The following DUSP16 variants were observed in gnomAD, a reference collection of about 807,000 sequenced individuals.
DUSP16 encodes the protein dual specificity phosphatase 16.
In DUSP16, 21 loss-of-function variants were observed where a neutral mutation model predicts 58.3. That is an observed-to-expected ratio of 0.36 (90% CI 0.26 to 0.52). DUSP16 has a LOEUF of 0.52. DUSP16 is among the 20% of genes least tolerant of loss of function. DUSP16 has a pLI of 0.94. For missense variants in DUSP16, 726 were observed against 819.0 expected (o/e 0.89, Z 1.39); for synonymous variants, 320 against 323.8 (o/e 0.99, Z 0.12).
chr12:12,559,566 T>C (rs1003532800), intron 1 of DUSP16, among the ~76,000 whole-genome samples: 15 of 152,224 alleles, frequency 9.9e-5, no homozygotes, highest in African/African-American at 2.2e-4. Flanking sequence ...TAGAAAATTA[T>C]TTTTGTCTAG....
intron 1 of DUSP16, among the ~76,000 whole-genome samples, chr12:12,534,428 G>A (rs1944436828): frequency 6.6e-6 from 1 of 152,194 alleles, no homozygotes; most frequent in Non-Finnish European, 1.5e-5. Flanking sequence ...AGTAGCCCCA[G>A]ACGGGAGTCG....
intron 1 of DUSP16, among the ~76,000 whole-genome samples, chr12:12,554,947 T>C (rs1205799526): frequency 6.6e-6 from 1 of 152,242 alleles, no homozygotes; most frequent in South Asian, 2.1e-4. Flanking sequence ...TCATATACCA[T>C]GTACAGTTTA....
At chr12:12,521,826 C>T (rs888043205) in intron 1 of DUSP16, among the ~76,000 whole-genome samples, 1 of 152,020 alleles carries the variant, frequency 6.6e-6, no homozygotes, top group Non-Finnish European at 1.5e-5. Flanking sequence ...ATTTTATTTG[C>T]TTATTTATTG....
At chr12:12,545,326 C>A (rs1474903936) in intron 1 of DUSP16, among the ~76,000 whole-genome samples, 2 of 152,144 alleles carry the variant, frequency 1.3e-5, no homozygotes, top group Non-Finnish European at 2.9e-5. Context: ...GTGGCATGAT[C>A]TCAGCTCACT....
At chr12:12,528,095 TGCTTCCTG>T (rs1461478572) in intron 1 of DUSP16, among the ~76,000 whole-genome samples, 1 of 152,192 alleles carries the variant, frequency 6.6e-6, no homozygotes, top group Non-Finnish European at 1.5e-5. Flanking sequence ...TTCTTAGTAC[TGCTTCCTG>T]TTTATGATCA....
Position 12,474,889 on chromosome 12 carries a change from A to C in DUSP16, c.*1944T>G, listed in dbSNP as rs1943393958. ...GAAACTTGAGAATGTCTGATTAAAG[A>C]TTTCAATGTATATCTAAAAACTAAC... On this transcript the variant is annotated 3_prime_UTR_variant, in exon 7 of 7. Transcript: ENST00000298573. 1 of 152,220 alleles carries C rather than the reference A, an allele frequency of 6.6e-6. No individual in the cohort carries two copies. The highest frequency in any genetic ancestry group is 6.5e-5 in the Admixed American group (1 of 15,284). 9.4% of individuals were successfully genotyped at this position (152,220 alleles called of 1,614,324 possible). A position where few individuals can be genotyped will look rare whatever the true frequency, so the allele number is the denominator to read the frequency against.
intron 1 of DUSP16, among the ~76,000 whole-genome samples, chr12:12,556,084 A>G (rs898033857): frequency 3.9e-5 from 6 of 152,340 alleles, no homozygotes; most frequent in African/African-American, 1.4e-4. Flanking sequence ...GTTTAGGAGG[A>G]AATCAAGAGA....
chr12:12,530,885 T>C (rs1388322834), intron 1 of DUSP16, among the ~76,000 whole-genome samples: 1 of 152,176 alleles, frequency 6.6e-6, no homozygotes, highest in African/African-American at 2.4e-5. Context: ...ATCTTTACAT[T>C]AAAAATTTTT....
intron 3 of DUSP16, among the ~76,000 whole-genome samples, chr12:12,513,164 A>G (rs1478582112): frequency 1.3e-5 from 2 of 152,244 alleles, no homozygotes; most frequent in Non-Finnish European, 2.9e-5. Flanking sequence ...CTTTAACCAT[A>G]GCAAACATTA....
rs1327743780 is a variant in DUSP16 at position 12,562,370 on chromosome 12, ACT to A, written c.-621_-620del. 2 of 144,934 alleles carry A rather than the reference ACT, an allele frequency of 1.4e-5. No individual in the cohort carries two copies. The highest frequency in any genetic ancestry group is 5.2e-5 in the African/African-American group (2 of 38,706). 9.0% of individuals were successfully genotyped at this position (144,934 alleles called of 1,614,324 possible). On this transcript the variant is annotated 5_prime_UTR_variant, in exon 1 of 7. It removes the in-frame stop codon of an upstream open reading frame in the 5' UTR. Coordinates refer to ENST00000298573, the MANE Select transcript of DUSP16 (RefSeq NM_030640.3). ...GAGGAGACGCTCGCAACTTTTCTTC[ACT>A]CTTTCTCTTCCACCCTCCCCCCCAT...
At chr12:12,504,262 T>C (rs1373167745) in intron 3 of DUSP16, among the ~76,000 whole-genome samples, 1 of 152,154 alleles carries the variant, frequency 6.6e-6, no homozygotes, top group East Asian at 1.9e-4. Context: ...CATGTAGTTT[T>C]GGTGTTTCTC....
chr12:12,507,356 A>G (rs760591100), intron 3 of DUSP16, among the ~76,000 whole-genome samples: 4 of 152,178 alleles, frequency 2.6e-5, no homozygotes, highest in Non-Finnish European at 5.9e-5. Flanking sequence ...TCATTTAAAT[A>G]GGGAGCAAGT....
chr12:12,487,980 C>G (rs1027195910), intron 4 of DUSP16, among the ~76,000 whole-genome samples: 1 of 152,178 alleles, frequency 6.6e-6, no homozygotes, highest in Non-Finnish European at 1.5e-5. Context: ...CCATTCACTG[C>G]TCAGTAGCCA....
intron 1 of DUSP16, among the ~76,000 whole-genome samples, chr12:12,557,069 A>G (rs1944816404): frequency 1.3e-5 from 2 of 152,198 alleles, no homozygotes; most frequent in Admixed American, 1.3e-4. Context: ...AACAGTAAAC[A>G]ATGACATTAA....
chr12:12,483,859 G>GA (rs1264167179), intron 5 of DUSP16, among the ~76,000 whole-genome samples: 2 of 151,630 alleles, frequency 1.3e-5, no homozygotes, highest in African/African-American at 4.8e-5. Context: ...CAACAAAAAA[G>GA]AAAAAATCAC....
rs571050839 is a variant in DUSP16, at chr12:12,476,131, A to C, written c.*702T>G. The stretch of plus-strand genomic sequence containing the variant: ...GGGAATTTTGTGCATAGACAGTTTG[A>C]ATTGGTCTGAAAAGTGTGACTAGCT... On this transcript the variant is annotated 3_prime_UTR_variant, in exon 7 of 7. Transcript: ENST00000298573. 34 of 152,690 alleles carry C rather than the reference A, an allele frequency of 2.2e-4. No individual in the cohort carries two copies. The highest frequency in any genetic ancestry group is 3.2e-4 in the Non-Finnish European group (22 of 68,022). The allele number at this position is 152,690 out of a possible 1,614,324, so 9.5% of individuals were successfully genotyped here.
chr12:12,541,713 CT>C (rs1478656632), intron 1 of DUSP16, among the ~76,000 whole-genome samples: 3 of 152,108 alleles, frequency 2.0e-5, no homozygotes, highest in Non-Finnish European at 4.4e-5. Context: ...AGAGAAATAA[CT>C]GTGAAAAAAA....
At chr12:12,540,382 GAGTC>G (rs535024045) in intron 1 of DUSP16, among the ~76,000 whole-genome samples, 180 of 152,188 alleles carry the variant, frequency 1.2e-3, no homozygotes, top group African/African-American at 4.2e-3. Context: ...TATTTAACCA[GAGTC>G]AGGAGTTTTC....
chr12:12,486,796 TTGG>T (rs1191097254), intron 5 of DUSP16, among the ~76,000 whole-genome samples: 1 of 152,212 alleles, frequency 6.6e-6, no homozygotes, highest in Non-Finnish European at 1.5e-5. Context: ...AAGCTTAACC[TTGG>T]TGGTGTTAAA....
Sources: allele counts gnomAD v4.1 joint callset (sites outside exome capture counted in the v4.1 genomes callset), GRCh38; gene constraint gnomAD v4.1.1; transcripts MANE v1.5; gene names NCBI Gene and HGNC (gene_info 2026-07-23, HGNC 2026-07-21).